The following PCDH19 variants were observed in gnomAD, a reference collection of about 807,000 sequenced individuals.
PCDH19 encodes the protein protocadherin-19.
A neutral mutation model predicts 46.2 loss-of-function variants in PCDH19; 6 were observed. The ratio of observed to expected loss-of-function variants is 0.13; its 90% CI spans 0.07 to 0.26. The LOEUF is 0.26. PCDH19 is among the 10% of genes least tolerant of loss of function. PCDH19 has a pLI of 1.00. For synonymous variants in PCDH19, 481 were observed against 415.7 expected, an observed-to-expected ratio of 1.16 and a Z score of -1.91; for missense variants, 740 against 972.3, an observed-to-expected ratio of 0.76 and a Z score of 3.18.
In PCDH19 at chrX:100,409,750, C is replaced by G. The variant is rs949592552; in HGVS notation, c.-1153G>C. ...CCGCCGCCGCCGCCGCGGGAGGAAG[C>G]CCTCCTAGCTCAGTTGCACGTCGCT... On this transcript the variant is annotated 5_prime_UTR_variant, in exon 1 of 6. Transcript: ENST00000373034. 2.1e-4 allele frequency: 51 copies of G among 244,366 alleles called. No individual in the cohort carries two copies. The highest frequency in any genetic ancestry group is 3.4e-4 in the Non-Finnish European group (46 of 136,125). 20.1% of individuals were successfully genotyped at this position (244,366 alleles called of 1,213,427 possible). A position where few individuals can be genotyped will look rare whatever the true frequency, so the allele number is the denominator to read the frequency against.
intron 3 of PCDH19, among the ~76,000 whole-genome samples, chrX:100,365,493 C>A (rs1927043492): frequency 1.8e-5 from 2 of 111,465 alleles, no homozygotes; most frequent in African/African-American, 6.5e-5. Context: ...CATGGTAGAG[C>A]CTACAGTAGC....
intron 3 of PCDH19, among the ~76,000 whole-genome samples, chrX:100,356,449 T>C (rs971116483): frequency 8.9e-6 from 1 of 111,823 alleles, no homozygotes; most frequent in Non-Finnish European, 1.9e-5. Context: ...CTCACAAAGA[T>C]GGCTTTTGGA....
intron 3 of PCDH19, among the ~76,000 whole-genome samples, chrX:100,363,745 A>G (rs928417518): frequency 2.0e-5 from 2 of 99,026 alleles, no homozygotes; most frequent in African/African-American, 3.6e-5. Context: ...TATATAAATA[A>G]TATATATATA....
At chrX:100,376,410 AT>A (rs913344166) in intron 3 of PCDH19, among the ~76,000 whole-genome samples, 2 of 110,724 alleles carry the variant, frequency 1.8e-5, no homozygotes, top group Non-Finnish European at 3.8e-5. Context: ...CCTTCCAGGG[AT>A]TTTTTTTAAA....
chrX:100,332,544 T>A (rs1455968176), intron 5 of PCDH19, among the ~76,000 whole-genome samples: 1 of 109,250 alleles, frequency 9.2e-6, no homozygotes, highest in African/African-American at 3.3e-5. Flanking sequence ...TTGGTATCAA[T>A]CCCTTAAACT....
intron 5 of PCDH19, among the ~76,000 whole-genome samples, chrX:100,325,372 T>TG (rs1170492101): frequency 4.0e-4 from 29 of 73,237 alleles, no homozygotes; most frequent in Non-Finnish European, 8.7e-4. Flanking sequence ...TAATGATCTT[T>TG]TTTTTTTTTT....
chrX:100,297,430 C>T (rs921904763), intron 5 of PCDH19, among the ~76,000 whole-genome samples: 6 of 111,141 alleles, frequency 5.4e-5, no homozygotes, highest in African/African-American at 2.0e-4. Context: ...TCTTTTTGAC[C>T]ACCAGTCCCA....
At chrX:100,386,024 A>G (rs1208863392) in intron 3 of PCDH19, among the ~76,000 whole-genome samples, 1 of 112,531 alleles carries the variant, frequency 8.9e-6, no homozygotes, top group Non-Finnish European at 1.9e-5. Context: ...TTTATTGGGC[A>G]TTTATTTAGT....
At chrX:100,308,588 G>A (rs1925023968) in intron 5 of PCDH19, among the ~76,000 whole-genome samples, 3 of 111,388 alleles carry the variant, frequency 2.7e-5, no homozygotes, top group Non-Finnish European at 5.7e-5. Flanking sequence ...AGAATAAACA[G>A]ACAACCCACA....
At chrX:100,301,938 A>G (rs1308655427) in intron 5 of PCDH19, among the ~76,000 whole-genome samples, 2 of 112,462 alleles carry the variant, frequency 1.8e-5, no homozygotes, top group Non-Finnish European at 3.8e-5. Context: ...CCTTGCAGAC[A>G]TGTAACATAA....
At position 100,296,078 on chromosome X, in the gene PCDH19, T is replaced by C; in HGVS notation, c.*199A>G. On this transcript the variant is annotated 3_prime_UTR_variant, in exon 6 of 6. Coordinates refer to ENST00000373034, the MANE Select transcript of PCDH19 (RefSeq NM_001184880.2). ...CATGAACAACTCAAGCCAAAGCTAA[T>C]TTGCTCCAACTGAACACCCCTGCTG... The C allele has an allele frequency of 2.2e-6, 1 of 450,333 alleles. No homozygotes were observed. Among genetic ancestry groups the C allele is most frequent in the Non-Finnish European group, 3.9e-6 (1 of 259,235 alleles). The allele number at this position is 450,333 out of a possible 1,213,427, so 37.1% of individuals were successfully genotyped here. A position where few individuals can be genotyped will look rare whatever the true frequency, so the allele number is the denominator to read the frequency against.
chrX:100,308,736 C>G (rs771139614), intron 5 of PCDH19, among the ~76,000 whole-genome samples: 1 of 111,575 alleles, frequency 9.0e-6, no homozygotes, highest in Admixed American at 9.5e-5. Flanking sequence ...ATAGACAATT[C>G]TCAAAAGAAG....
At chrX:100,349,998 TTGAA>T (rs2147492135) in intron 4 of PCDH19, among the ~76,000 whole-genome samples, 1 of 112,502 alleles carries the variant, frequency 8.9e-6, no homozygotes, top group African/African-American at 3.2e-5. Context: ...AATCTCAACT[TTGAA>T]TGTTTCCTCT....
At chrX:100,399,583 G>T (rs911488474) in intron 3 of PCDH19, among the ~76,000 whole-genome samples, 2 of 111,419 alleles carry the variant, frequency 1.8e-5, no homozygotes, top group African/African-American at 6.5e-5. Flanking sequence ...CGAGTCCAGT[G>T]GCCTTTGGTA....
At chrX:100,306,442 A>T (rs1048354308) in intron 5 of PCDH19, among the ~76,000 whole-genome samples, 1 of 111,754 alleles carries the variant, frequency 8.9e-6, no homozygotes, top group Admixed American at 9.5e-5. Context: ...CATAGCATTA[A>T]ATGCCTACAT....
At chrX:100,366,064 C>T (rs897309729) in intron 3 of PCDH19, among the ~76,000 whole-genome samples, 6 of 111,583 alleles carry the variant, frequency 5.4e-5, no homozygotes, top group African/African-American at 2.0e-4. Context: ...TATGATCCAC[C>T]CAAGGAAATA....
intron 5 of PCDH19, among the ~76,000 whole-genome samples, chrX:100,310,328 A>T (rs897166813): frequency 9.0e-6 from 1 of 111,053 alleles, no homozygotes; most frequent in Non-Finnish European, 1.9e-5. Context: ...GATGTACATA[A>T]GTATAAATCA....
In PCDH19 at chrX:100,410,237, ACTG is replaced by A; in HGVS notation, c.-1643_-1641del. ...CCGCGCTGCGCCAGCCGCCGCCGCT[ACTG>A]CTGCTGCTGCTCCTCCGGATGCCGC... On this transcript the variant is annotated 5_prime_UTR_variant, in exon 1 of 6. Transcript: ENST00000373034. The A allele has an allele frequency of 2.0e-5, 6 of 298,416 alleles. No homozygotes were observed. Among genetic ancestry groups the A allele is most frequent in the South Asian group, 3.9e-4 (2 of 5,096 alleles). 24.6% of individuals were successfully genotyped at this position (298,416 alleles called of 1,213,427 possible). A position where few individuals can be genotyped will look rare whatever the true frequency, so the allele number is the denominator to read the frequency against.
chrX:100,305,474 G>T (rs1342969843), intron 5 of PCDH19, among the ~76,000 whole-genome samples: 12 of 111,525 alleles, frequency 1.1e-4, no homozygotes, highest in Non-Finnish European at 2.3e-4. Context: ...CCTCCTTAAA[G>T]CATAAATCTC....
Sources: allele counts gnomAD v4.1 joint callset (sites outside exome capture counted in the v4.1 genomes callset), GRCh38; gene constraint gnomAD v4.1.1; transcripts MANE v1.5; gene names NCBI Gene and HGNC (gene_info 2026-07-23, HGNC 2026-07-21).